SH3BP1: variants seen among roughly 807,000 people sequenced by gnomAD.
SH3BP1 encodes the protein SH3 domain-binding protein 1.
SH3BP1 carries 46 observed loss-of-function variants against 69.8 expected under a neutral mutation model. The ratio of observed to expected loss-of-function variants is 0.66; its 90% CI spans 0.52 to 0.84. The LOEUF (loss-of-function observed/expected upper bound fraction) is 0.84. Ranked by LOEUF, SH3BP1 falls within the 40% of genes least tolerant of loss-of-function variation. The probability of loss-of-function intolerance (pLI) is 0.00; values close to 1 mark genes in which losing one functional copy is unlikely to be tolerated. For synonymous variants in SH3BP1, 403 were observed against 378.0 expected (o/e 1.07, Z -0.77); for missense variants, 868 against 930.9 (o/e 0.93, Z 0.88).
At chr22:37,650,832 A>G (rs1457593878) in intron 16 of SH3BP1, 107 bp downstream of exon 16, 1 of 1,392,912 alleles carries the variant, frequency 7.2e-7, no homozygotes, top group African/African-American at 1.5e-5. Context: ...TGTAATTATT[A>G]GTGTTTTCAT....
chr22:37,648,395 G>C lies in SH3BP1; in HGVS notation c.1276G>C (p.Val426Leu). The C allele has an allele frequency of 6.4e-7, 1 of 1,568,904 alleles. No individual in the cohort carries two copies. Among genetic ancestry groups the C allele is most frequent in the South Asian group, 1.2e-5 (1 of 85,232 alleles). ...NKMTPSNIAIVLGPNLLWPPE... is the reference protein window; with the variant it reads ...NKMTPSNIAILLGPNLLWPPE... ...GATGACACCCAGCAACATCGCCATA[G>C]TCCTGGGACCCAACTTGCTGTGGCC... is the stretch of plus-strand genomic sequence containing the variant. Residue 426 changes from valine to leucine, a missense_variant, in exon 14 of 18, where the codon GTC becomes CTC. This residue lies in a region of SH3BP1 where 474 missense variants were observed against 462.3 expected (regional missense o/e 1.03). Coordinates refer to ENST00000649765, the MANE Select transcript of SH3BP1 (RefSeq NM_018957.6).
chr22:37,647,677 A>T (rs912791032), intron 13 of SH3BP1, among the ~76,000 whole-genome samples, 156 bp downstream of exon 13: 1 of 145,508 alleles, frequency 6.9e-6, no homozygotes, highest in Non-Finnish European at 1.5e-5. Context: ...TATATATATA[A>T]TTTTTTTTTT....
intron 15 of SH3BP1, 94 bp from the exon 16 acceptor site, chr22:37,650,448 A>C: frequency 6.6e-7 from 1 of 1,525,470 alleles, no homozygotes; most frequent in Admixed American, 1.9e-5. Context: ...AACATGGTCC[A>C]GATGGGTTCA....
Position 37,648,400 on chromosome 22 carries a change from G to A in SH3BP1, c.1281G>A (p.Leu427=). 1 of 1,568,526 alleles carries A rather than the reference G, an allele frequency of 6.4e-7. No individual in the cohort carries two copies. Among genetic ancestry groups the A allele is most frequent in the Non-Finnish European group, 8.6e-7 (1 of 1,156,070 alleles). The change falls in exon 14 of 18, where the codon CTG becomes CTA. Residue 427 remains leucine (L), a synonymous_variant. Coordinates refer to ENST00000649765, the MANE Select transcript of SH3BP1 (RefSeq NM_018957.6). ...CACCCAGCAACATCGCCATAGTCCT[G>A]GGACCCAACTTGCTGTGGCCACCTG... ...KMTPSNIAIV[L]GPNLLWPPEK... is the part of the protein sequence containing the mutation.
At chr22:37,640,158 G>A (rs1932531173) in intron 1 of SH3BP1, among the ~76,000 whole-genome samples, 1 of 152,270 alleles carries the variant, frequency 6.6e-6, no homozygotes, top group South Asian at 2.1e-4. Context: ...CTAAGTGGAT[G>A]GTCCTCCTGA....
At chr22:37,655,196 G>T in intron 17 of SH3BP1, 76 bp from the exon 18 acceptor site, 2 of 1,072,114 alleles carry the variant, frequency 1.9e-6, no homozygotes, top group South Asian at 1.6e-5. Flanking sequence ...AAGGTTGTGA[G>T]GGGGCACGGA....
intron 11 of SH3BP1, 46 bp from the exon 12 acceptor site, chr22:37,647,221 G>A (rs750468205): frequency 2.0e-6 from 3 of 1,528,764 alleles, no homozygotes; most frequent in South Asian, 2.2e-5. Context: ...GAGAGTGGGA[G>A]AGCGGGTGGG....
intron 16 of SH3BP1, 74 bp from the exon 17 acceptor site, chr22:37,653,705 T>G: frequency 6.8e-6 from 7 of 1,023,276 alleles, no homozygotes; most frequent in Non-Finnish European, 1.1e-5. Context: ...ACCTGGCAGC[T>G]GGAGACTCCT....
Position 37,655,598 on chromosome 22 carries a change from G to T in SH3BP1, c.2020G>T (p.Ala674Ser). ...GGGGGCTGCCACAGCAGAGGGAGGAGCCCCTGAGGCTATCAGTGGGGTCCC... is the reference window on the plus strand; with the variant it reads ...GGGGGCTGCCACAGCAGAGGGAGGATCCCCTGAGGCTATCAGTGGGGTCCC... ...DLGAATAEGG[A>S]PEAISGVPTP... The change falls in exon 18 of 18, where the codon GCC becomes TCC. Residue 674 changes from alanine (A) to serine (S), a missense_variant. Transcript: ENST00000649765. 1 of 1,583,652 alleles carries T rather than the reference G, an allele frequency of 6.3e-7. No individual in the cohort carries two copies. The highest frequency in any genetic ancestry group is 1.2e-5 in the South Asian group (1 of 86,614).
rs1933040327 is a variant in SH3BP1, at chr22:37,656,083, A to G, written c.*399A>G. 1.5e-6 allele frequency: 2 copies of G among 1,305,510 alleles called. No individual in the cohort carries two copies. Among genetic ancestry groups the G allele is most frequent in the South Asian group, 1.2e-5 (1 of 82,224 alleles). 80.9% of individuals were successfully genotyped at this position (1,305,510 alleles called of 1,614,324 possible). A position where few individuals can be genotyped will look rare whatever the true frequency, so the allele number is the denominator to read the frequency against. ...GATAGTTTTATTTTCTGTCCTTGAAATAAAGAAGCCAATTTTATAAAGGGG... is the reference window on the plus strand; with the variant it reads ...GATAGTTTTATTTTCTGTCCTTGAAGTAAAGAAGCCAATTTTATAAAGGGG... On this transcript the variant is annotated 3_prime_UTR_variant, in exon 18 of 18. Transcript: ENST00000649765.
intron 5 of SH3BP1, 22 bp from the exon 6 acceptor site, chr22:37,643,076 A>G: frequency 4.2e-6 from 6 of 1,435,940 alleles, no homozygotes; most frequent in Non-Finnish European, 5.9e-6. Flanking sequence ...CAGCACACTG[A>G]CCCCCCCATG....
intron 15 of SH3BP1, 141 bp downstream of exon 15, chr22:37,650,390 C>T (rs1030955401): frequency 1.1e-5 from 16 of 1,491,350 alleles, no homozygotes; most frequent in Non-Finnish European, 1.4e-5. Context: ...GGATGGTCTG[C>T]CTGCTTTGTG....
At position 37,646,684 on chromosome 22, in the gene SH3BP1, C is replaced by T. The variant is rs1278220540; in HGVS notation, c.925-134C>T. 6.5e-6 allele frequency: 3 copies of T among 463,488 alleles called. No individual in the cohort carries two copies. In the Admixed American group the frequency reaches 1.2e-4, roughly 18 times the overall value. 28.7% of individuals were successfully genotyped at this position (463,488 alleles called of 1,614,324 possible). Reference sequence around the variant, plus strand: ...GTTGAAGCCCGTGGACACCGTGGTGCCCACACTGCCAGCCAGACCAGCGGG... The same window carrying T: ...GTTGAAGCCCGTGGACACCGTGGTGTCCACACTGCCAGCCAGACCAGCGGG... On this transcript the variant is annotated intron_variant, in intron 10 of 17. Transcript: ENST00000649765.
At position 37,643,715 on chromosome 22, in the gene SH3BP1, C is replaced by T. The variant is rs746338687; in HGVS notation, c.545C>T (p.Thr182Met). 4.6e-5 allele frequency: 74 copies of T among 1,613,896 alleles called. No individual in the cohort carries two copies. The highest frequency in any genetic ancestry group is 5.8e-5 in the Non-Finnish European group (68 of 1,180,028). ...GGCAGCCCGGGTAGTCACAGCCATACGACCATGGCCAACAAGGTGGAGACG... is the reference window on the plus strand; with the variant it reads ...GGCAGCCCGGGTAGTCACAGCCATATGACCATGGCCAACAAGGTGGAGACG... ...LGGSPGSHSHTTMANKVETLK... is the reference protein window; with the variant it reads ...LGGSPGSHSHMTMANKVETLK... The change falls in exon 7 of 18, where the codon ACG (threonine) becomes ATG (methionine). Residue 182 changes from threonine (T) to methionine (M), a missense_variant. Coordinates refer to ENST00000649765, the MANE Select transcript of SH3BP1 (RefSeq NM_018957.6).
At chr22:37,655,071 C>T (rs1158034161) in intron 17 of SH3BP1, among the ~76,000 whole-genome samples, 1 of 152,172 alleles carries the variant, frequency 6.6e-6, no homozygotes, top group Non-Finnish European at 1.5e-5. Context: ...GGGTGGGACT[C>T]TAACTAGGGT....
intron 3 of SH3BP1, chr22:37,642,110 G>T (rs1323137520): frequency 5.2e-6 from 1 of 193,172 alleles, no homozygotes; most frequent in Non-Finnish European, 1.1e-5. Flanking sequence ...TGACAATTCA[G>T]TGTGGCCAAG....
chr22:37,640,953 G>A, intron 1 of SH3BP1, 173 bp from the exon 2 acceptor site: 1 of 623,576 alleles, frequency 1.6e-6, no homozygotes, highest in Non-Finnish European at 2.9e-6. Flanking sequence ...CCCATGGAAT[G>A]TGCTCCGACT....
At chr22:37,645,594 GC>G in intron 10 of SH3BP1, 84 bp downstream of exon 10, 1 of 1,481,752 alleles carries the variant, frequency 6.7e-7, no homozygotes, top group Non-Finnish European at 9.1e-7. Flanking sequence ...CTTTCCGGGT[GC>G]CTGTAATTCC....
In SH3BP1 at chr22:37,639,678, G is replaced by T. The variant is rs1601578293; in HGVS notation, c.-110G>T. ...CGGCGGCCCAGGAAGCGAGAGCGCCGCCCACCCATCCGGGGCAAGAGCCGC... is the reference window on the plus strand; with the variant it reads ...CGGCGGCCCAGGAAGCGAGAGCGCCTCCCACCCATCCGGGGCAAGAGCCGC... On this transcript the variant is annotated 5_prime_UTR_variant, in exon 1 of 18. Coordinates refer to ENST00000649765, the MANE Select transcript of SH3BP1 (RefSeq NM_018957.6). 1 of 625,398 alleles carries T rather than the reference G, an allele frequency of 1.6e-6. No homozygotes were observed. Among genetic ancestry groups the T allele is most frequent in the Non-Finnish European group, 2.5e-6 (1 of 398,574 alleles). 38.7% of individuals were successfully genotyped at this position (625,398 alleles called of 1,614,324 possible).
Sources: allele counts gnomAD v4.1 joint callset (sites outside exome capture counted in the v4.1 genomes callset), GRCh38; gene constraint gnomAD v4.1.1; regional missense constraint gnomAD v4.1.1; transcripts MANE v1.5; gene names NCBI Gene and HGNC (gene_info 2026-07-23, HGNC 2026-07-21).